PRC1: variants seen among roughly 807,000 people sequenced by gnomAD.
PRC1 encodes protein regulator of cytokinesis 1.
PRC1 carries 54 observed loss-of-function variants against 91.2 expected under a neutral mutation model. The ratio of observed to expected loss-of-function variants is 0.59; its 90% CI spans 0.48 to 0.74. The LOEUF is 0.74. Ranked by LOEUF, PRC1 falls within the 30% of genes least tolerant of loss-of-function variation. The probability of loss-of-function intolerance (pLI) is 0.00; values close to 1 mark genes in which losing one functional copy is unlikely to be tolerated. For synonymous variants in PRC1, 275 were observed against 263.6 expected (o/e 1.04, Z -0.42); for missense variants, 727 against 746.2 (o/e 0.97, Z 0.30).
chr15:90,973,479 T>G (rs994843835), intron 11 of PRC1, among the ~76,000 whole-genome samples: 4 of 152,054 alleles, frequency 2.6e-5, no homozygotes, highest in African/African-American at 7.2e-5. Context: ...TATGGCCTCG[T>G]GGGAAGGGAA....
chr15:90,967,593 AC>A (rs1316351016), intron 14 of PRC1: 2 of 165,034 alleles, frequency 1.2e-5, no homozygotes, highest in African/African-American at 2.4e-5. Flanking sequence ...ACAAATACTT[AC>A]CATTGCGTTA....
At chr15:90,972,259 C>T (rs59902579) in intron 11 of PRC1, among the ~76,000 whole-genome samples, 46,098 of 148,670 alleles carry the variant, frequency 0.31, 9,164 homozygotes, top group African/African-American at 0.55. Flanking sequence ...GGCATGTGCC[C>T]GTAAGTCTCA....
intron 9 of PRC1, among the ~76,000 whole-genome samples, chr15:90,976,354 G>C (rs548324456): frequency 6.6e-6 from 1 of 151,290 alleles, no homozygotes; most frequent in African/African-American, 2.4e-5. Flanking sequence ...ATCAAGACCA[G>C]GCTGGTCTTG....
Position 90,984,606 on chromosome 15 carries a change from T to C in PRC1, c.144+87A>G. The C allele has an allele frequency of 6.5e-7, 1 of 1,542,486 alleles. No homozygotes were observed. Among genetic ancestry groups the C allele is most frequent in the Non-Finnish European group, 8.8e-7 (1 of 1,134,396 alleles). On this transcript the variant is annotated intron_variant, in intron 2 of 14. Coordinates refer to ENST00000394249, the MANE Select transcript of PRC1 (RefSeq NM_003981.4). This position sits in a 1 kb window ranked among gnomAD's most constrained non-coding sequence, Gnocchi z 5.1. The stretch of plus-strand genomic sequence containing the variant: ...GCCTGTGCTATCCTAATGCCGATGA[T>C]CACATGTCCCTTCTGTATGCTATCT...
In PRC1 at chr15:90,974,432, C is replaced by T. The variant is rs7162893; in HGVS notation, c.1350+153G>A. On this transcript the variant is annotated intron_variant, in intron 10 of 14. Coordinates refer to ENST00000394249, the MANE Select transcript of PRC1 (RefSeq NM_003981.4). The surrounding 1 kb of genome is among the most constrained non-coding windows in gnomAD (Gnocchi z 4.6). ...GTTCCACAAGCCCCGGTCCCCGGCTCCCCGTTCCACAAGCCCCGGTCCCCG... is the reference window on the plus strand; with the variant it reads ...GTTCCACAAGCCCCGGTCCCCGGCTTCCCGTTCCACAAGCCCCGGTCCCCG... The T allele has an allele frequency of 6.5e-6, 8 of 1,235,248 alleles. No individual in the cohort carries two copies. The highest frequency in any genetic ancestry group is 4.7e-5 in the African/African-American group (3 of 63,952). The allele number at this position is 1,235,248 out of a possible 1,614,324, so 76.5% of individuals were successfully genotyped here.
In PRC1 at chr15:90,967,074, A is replaced by G. The variant is rs962578955; in HGVS notation, c.*57T>C. On this transcript the variant is annotated 3_prime_UTR_variant, in exon 15 of 15. Coordinates refer to ENST00000394249, the MANE Select transcript of PRC1 (RefSeq NM_003981.4). The stretch of plus-strand genomic sequence containing the variant: ...GAAGAAAAACTAAAGTCACCCCCAT[A>G]TAATTAGGTCCAGTCTAGGCACAGG... The G allele has an allele frequency of 2.7e-6, 4 of 1,486,498 alleles. No individual in the cohort carries two copies. In the South Asian group the frequency reaches 3.4e-5, roughly 13 times the overall value. The allele number at this position is 1,486,498 out of a possible 1,614,324, so 92.1% of individuals were successfully genotyped here.
chr15:90,977,924 G>A (rs10520700), intron 8 of PRC1, among the ~76,000 whole-genome samples: 5,086 of 152,216 alleles, frequency 0.033, 286 homozygotes, highest in African/African-American at 0.11. Context: ...GTTGTAACCA[G>A]AAGTAAAGAA....
rs1332116513 is a variant in PRC1 at position 90,974,929 on chromosome 15, G to A, written c.1204-198C>T. Among the ~76,000 whole-genome samples, 1 of 152,196 alleles carries A rather than the reference G, an allele frequency of 6.6e-6. No individual in the cohort carries two copies. Among genetic ancestry groups the A allele is most frequent in the East Asian group, 1.9e-4 (1 of 5,196 alleles). On this transcript the variant is annotated intron_variant, in intron 9 of 14. Coordinates refer to ENST00000394249, the MANE Select transcript of PRC1 (RefSeq NM_003981.4). This position sits in a 1 kb window ranked among gnomAD's most constrained non-coding sequence, Gnocchi z 4.6. ...CATTTCATTCACACAACACACAAGAGTGGAAAATGGCAAGAACCCAAAGTT... is the reference window on the plus strand; with the variant it reads ...CATTTCATTCACACAACACACAAGAATGGAAAATGGCAAGAACCCAAAGTT...
intron 9 of PRC1, among the ~76,000 whole-genome samples, chr15:90,975,882 C>T (rs772212015): frequency 8.5e-5 from 13 of 152,050 alleles, no homozygotes; most frequent in Non-Finnish European, 1.3e-4. Flanking sequence ...TAATCTCATA[C>T]GACTGGGAGT....
chr15:90,976,792 A>G, intron 8 of PRC1, 21 bp from the exon 9 acceptor site: 1 of 1,584,740 alleles, frequency 6.3e-7, no homozygotes, highest in South Asian at 1.1e-5. Flanking sequence ...TACATTTTTA[A>G]TTAGTGGAAA....
intron 14 of PRC1, 78 bp from the exon 15 acceptor site, chr15:90,967,280 TC>T: frequency 8.1e-7 from 1 of 1,230,300 alleles, no homozygotes. Flanking sequence ...TGGTTAAGTG[TC>T]AGCAAAAGGT....
Position 90,974,218 on chromosome 15 carries a change from GTC to G in PRC1, c.1377_1378del (p.Glu459AspfsTer13). ...AGGAGCGCTGCCATACAGCATCTCT[GTC>G]TCTGTCTGTTTTTTGTTCTTCAGTT... On this transcript the variant is annotated frameshift_variant, in exon 11 of 15. Transcript: ENST00000394249. LOFTEE classifies it high-confidence loss of function. The surrounding 1 kb of genome is among the most constrained non-coding windows in gnomAD (Gnocchi z 4.6). 6.2e-7 allele frequency: 1 copy of G among 1,614,178 alleles called. No individual in the cohort carries two copies. Among genetic ancestry groups the G allele is most frequent in the Non-Finnish European group, 8.5e-7 (1 of 1,180,004 alleles).
chr15:90,972,198 A>G (rs560612212), intron 11 of PRC1, among the ~76,000 whole-genome samples: 1 of 146,268 alleles, frequency 6.8e-6, no homozygotes, highest in African/African-American at 2.6e-5. Context: ...AAAAAAAAAA[A>G]AAAAAACACC....
In PRC1 at chr15:90,971,061, T is replaced by C. The variant is rs570447447; in HGVS notation, c.1462-547A>G. 1.7e-4 allele frequency among the ~76,000 whole-genome samples: 26 copies of C among 152,326 alleles called. No individual in the cohort carries two copies. In the East Asian group the frequency reaches 3.3e-3, roughly 19 times the overall value. ...AAAGAATATGTACTGCGGGATTCTA[T>C]GTAAAATGTTTCAAAATGAAAACTA... On this transcript the variant is annotated intron_variant, in intron 11 of 14. Transcript: ENST00000394249.
chr15:90,968,389 C>A, intron 14 of PRC1: 12 of 985,524 alleles, frequency 1.2e-5, no homozygotes, highest in Non-Finnish European at 1.4e-5. Context: ...AGAGGGGAGG[C>A]AGGCTAGGGG....
chr15:90,977,405 A>G (rs2038813284), intron 8 of PRC1: 1 of 152,196 alleles, frequency 6.6e-6, no homozygotes, highest in South Asian at 2.1e-4. Context: ...ATAGGGGCAC[A>G]CAGGCAGAAA....
rs373993897 is a variant in PRC1 at position 90,980,319 on chromosome 15, C to T, written c.893G>A (p.Arg298Gln). The T allele has an allele frequency of 1.4e-5, 22 of 1,614,024 alleles. No individual in the cohort carries two copies. Among genetic ancestry groups the T allele is most frequent in the South Asian group, 7.7e-5 (7 of 91,084 alleles). Residue 298 changes from arginine (R) to glutamine (Q), a missense_variant, in exon 7 of 15, where the codon CGA becomes CAA. By Grantham distance (43) the Arg-to-Gln change is conservative (BLOSUM62 1). Transcript: ENST00000394249. ...GTCCCAGTACTGAACCAGCTCCACT[C>T]GAATTGCCTCAATCACTTTCTTCAT... ...QNMKKVIEAI[R>Q]VELVQYWDQC...
intron 11 of PRC1, 43 bp from the exon 12 acceptor site, chr15:90,970,557 C>T (rs763668570): frequency 1.8e-5 from 25 of 1,371,046 alleles, no homozygotes; most frequent in Non-Finnish European, 2.4e-5. Flanking sequence ...CAGTAACATC[C>T]TCAGCATTTC....
At chr15:90,979,454 A>C (rs1348004935) in intron 7 of PRC1, among the ~76,000 whole-genome samples, 160 bp from the exon 8 acceptor site, 1 of 152,214 alleles carries the variant, frequency 6.6e-6, no homozygotes, top group African/African-American at 2.4e-5. Flanking sequence ...ATAGTGGTTA[A>C]TAAAAACCAG....
Sources: gnomAD v4.1 joint callset for allele counts (sites outside exome capture counted in the v4.1 genomes callset) on GRCh38, gnomAD v4.1.1 for gene constraint, Gnocchi (gnomAD v3.1) non-coding constraint, MANE v1.5 for transcripts, NCBI Gene and HGNC (gene_info 2026-07-23, HGNC 2026-07-21) for gene names.